The following SH3RF3 variants were observed in gnomAD, a reference collection of about 807,000 sequenced individuals.
SH3RF3 encodes E3 ubiquitin-protein ligase SH3RF3.
SH3RF3 carries 29 observed loss-of-function variants against 66.3 expected under a neutral mutation model. That is an observed-to-expected ratio of 0.44 (90% confidence interval 0.33 to 0.60). The LOEUF is 0.60. Among genes scored for constraint, SH3RF3 ranks in the 20% least tolerant of loss-of-function variants. SH3RF3 has a pLI of 0.04. For missense variants in SH3RF3, 1,194 were observed against 1,190.9 expected (o/e 1.00, Z -0.04); for synonymous variants, 583 against 532.0 (o/e 1.10, Z -1.32).
chr2:109,194,885 A>G (rs551347737), intron 1 of SH3RF3, among the ~76,000 whole-genome samples: 3 of 152,292 alleles, frequency 2.0e-5, no homozygotes, highest in African/African-American at 7.2e-5. Context: ...TCAGTTTTTA[A>G]AAATGCTACT....
At chr2:109,189,281 T>G (rs748930918) in intron 1 of SH3RF3, among the ~76,000 whole-genome samples, 1 of 151,690 alleles carries the variant, frequency 6.6e-6, no homozygotes, top group Non-Finnish European at 1.5e-5. Context: ...TACCTGGCCT[T>G]GGCATTCTGA....
chr2:109,456,688 C>T (rs752275069), intron 8 of SH3RF3, among the ~76,000 whole-genome samples: 15 of 152,288 alleles, frequency 9.8e-5, no homozygotes, highest in Non-Finnish European at 1.6e-4. Flanking sequence ...TGGATCTCAG[C>T]GTGGTTGTGA....
chr2:109,249,467 C>CTCTTTCTTTCTTTCTTTCTTTCTT lies in SH3RF3; in HGVS notation c.574-98188_574-98165dup, dbSNP rs759428314. On this transcript the variant is annotated intron_variant, in intron 1 of 9. Coordinates refer to ENST00000309415, the MANE Select transcript of SH3RF3 (RefSeq NM_001099289.3). ...CAGATCTCTCTCTCTTTCTCTCTTTCTCTTTCTTTCTTTCTTTCTTTCTTT... is the reference window on the plus strand; with the variant it reads ...CAGATCTCTCTCTCTTTCTCTCTTTCTCTTTCTTTCTTTCTTTCTTTCTTTCTTTCTTTCTTTCTTTCTTTCTTT... 6.8e-4 allele frequency among the ~76,000 whole-genome samples: 68 copies of CTCTTTCTTTCTTTCTTTCTTTCTT among 99,340 alleles called. 6 individuals are homozygous for CTCTTTCTTTCTTTCTTTCTTTCTT. The highest frequency in any genetic ancestry group is 8.1e-4 in the Non-Finnish European group (40 of 49,294). 65.2% of individuals were successfully genotyped at this position (99,340 alleles called of 152,430 possible). A position where few individuals can be genotyped will look rare whatever the true frequency, so the allele number is the denominator to read the frequency against.
intron 1 of SH3RF3, among the ~76,000 whole-genome samples, chr2:109,181,010 A>G (rs1043208902): frequency 1.3e-5 from 2 of 151,914 alleles, no homozygotes; most frequent in African/African-American, 2.4e-5. Context: ...CTACTTACCA[A>G]TTTTCCCCTT....
At position 109,347,778 on chromosome 2, in the gene SH3RF3, G is replaced by C; in HGVS notation, c.678G>C (p.Lys226Asn). The C allele has an allele frequency of 6.2e-7, 1 of 1,614,010 alleles. No homozygotes were observed. Among genetic ancestry groups the C allele is most frequent in the South Asian group, 1.1e-5 (1 of 91,076 alleles). Residue 226 changes from lysine (K) to asparagine (N), a missense_variant, in exon 2 of 10, where the codon AAG (lysine) becomes AAC (asparagine). Coordinates refer to ENST00000309415, the MANE Select transcript of SH3RF3 (RefSeq NM_001099289.3). ...NKGDIIVLRR[K>N]VDEQWYHGEL... ...GGGACATCATCGTCCTGCGGCGCAA[G>C]GTGGATGAACAGTGGTACCACGGCG...
rs77799522 is a variant in SH3RF3 at position 109,380,394 on chromosome 2, C to T, written c.945+8713C>T. Among the ~76,000 whole-genome samples the T allele has an allele frequency of 6.3e-3, 962 of 152,278 alleles. 10 individuals are homozygous for T. The highest frequency in any genetic ancestry group is 0.047 in the East Asian group (245 of 5,176). On this transcript the variant is annotated intron_variant, in intron 3 of 9. Transcript: ENST00000309415. ...CTGGGTCCTGGCACAGGGTGGGGCCCAGGTGCTAGCTACCCTGTGCACCTG... is the reference window on the plus strand; with the variant it reads ...CTGGGTCCTGGCACAGGGTGGGGCCTAGGTGCTAGCTACCCTGTGCACCTG...
At chr2:109,346,318 G>A (rs1257081971) in intron 1 of SH3RF3, among the ~76,000 whole-genome samples, 1 of 152,162 alleles carries the variant, frequency 6.6e-6, no homozygotes, top group East Asian at 1.9e-4. Flanking sequence ...AAACATAAAT[G>A]TAGAATGATT....
chr2:109,424,563 G>C (rs141677738), intron 5 of SH3RF3, among the ~76,000 whole-genome samples: 2 of 152,172 alleles, frequency 1.3e-5, no homozygotes, highest in South Asian at 2.1e-4. Context: ...TGCTCACTTC[G>C]AGTCTCTGTG....
chr2:109,256,789 A>G (rs752475933), intron 1 of SH3RF3, among the ~76,000 whole-genome samples: 2 of 152,144 alleles, frequency 1.3e-5, no homozygotes, highest in Non-Finnish European at 2.9e-5. Context: ...GTGAAGTGGG[A>G]TTTTTATTTC....
chr2:109,409,366 C>G (rs542084976), intron 4 of SH3RF3, among the ~76,000 whole-genome samples: 10 of 152,206 alleles, frequency 6.6e-5, no homozygotes, highest in African/African-American at 9.7e-5. Flanking sequence ...CGCAGTGACT[C>G]AGCTCCACCC....
At chr2:109,270,482 T>G (rs1414763202) in intron 1 of SH3RF3, among the ~76,000 whole-genome samples, 1 of 152,194 alleles carries the variant, frequency 6.6e-6, no homozygotes, top group Non-Finnish European at 1.5e-5. Context: ...GCTGGGGCTC[T>G]GAGCCACTGG....
chr2:109,457,636 C>T (rs572134276), intron 8 of SH3RF3, among the ~76,000 whole-genome samples: 187 of 152,358 alleles, frequency 1.2e-3, no homozygotes, highest in African/African-American at 4.3e-3. Context: ...CCGGGAGCCC[C>T]GGCACAACTC....
chr2:109,282,614 CCACCTCTCGCCTCCGTGGTGGGA>C (rs1363104737), intron 1 of SH3RF3, among the ~76,000 whole-genome samples: 1 of 152,194 alleles, frequency 6.6e-6, no homozygotes, highest in Non-Finnish European at 1.5e-5. Flanking sequence ...TGCACGCACT[CCACCTCTCGCCTCCGTGGTGGGA>C]GACGTCCGGG....
At chr2:109,500,261 G>A (rs1247035513) in intron 9 of SH3RF3, among the ~76,000 whole-genome samples, 1 of 152,178 alleles carries the variant, frequency 6.6e-6, no homozygotes, top group African/African-American at 2.4e-5. Context: ...AGAGGGCTCA[G>A]AGGAGCCAGG....
chr2:109,497,160 T>C (rs1679279523), intron 9 of SH3RF3, among the ~76,000 whole-genome samples: 1 of 152,252 alleles, frequency 6.6e-6, no homozygotes, highest in South Asian at 2.1e-4. Context: ...GGTCATTCGT[T>C]ATAGCCATAA....
At chr2:109,320,304 C>T (rs1681992021) in intron 1 of SH3RF3, among the ~76,000 whole-genome samples, 2 of 152,196 alleles carry the variant, frequency 1.3e-5, no homozygotes, top group South Asian at 4.2e-4. Context: ...GCACAGCAGC[C>T]AGTGGCCACC....
intron 5 of SH3RF3, among the ~76,000 whole-genome samples, chr2:109,431,919 A>T (rs1398291133): frequency 6.6e-6 from 1 of 152,148 alleles, no homozygotes; most frequent in African/African-American, 2.4e-5. Context: ...ACTGCAAGGA[A>T]GTGTGCAACC....
At chr2:109,269,647 G>A (rs570278197) in intron 1 of SH3RF3, among the ~76,000 whole-genome samples, 8 of 152,290 alleles carry the variant, frequency 5.3e-5, no homozygotes, top group African/African-American at 1.9e-4. Context: ...CGGACATGGT[G>A]GCGTGTGCCT....
At chr2:109,335,126 G>T (rs1428714329) in intron 1 of SH3RF3, among the ~76,000 whole-genome samples, 1 of 152,206 alleles carries the variant, frequency 6.6e-6, no homozygotes, top group African/African-American at 2.4e-5. Flanking sequence ...CGTGTTTTCG[G>T]AGCAGATTCG....
Sources: gnomAD v4.1 joint callset for allele counts (sites outside exome capture counted in the v4.1 genomes callset) on GRCh38, gnomAD v4.1.1 for gene constraint, MANE v1.5 for transcripts, NCBI Gene and HGNC (gene_info 2026-07-23, HGNC 2026-07-21) for gene names.